The following KCNK2 variants were observed in gnomAD, a reference collection of about 807,000 sequenced individuals.
KCNK2 encodes potassium channel subfamily K member 2.
In KCNK2, 21 loss-of-function variants were observed where a neutral mutation model predicts 40.5. The ratio of observed to expected loss-of-function variants is 0.52; its 90% CI spans 0.37 to 0.75. The LOEUF (loss-of-function observed/expected upper bound fraction) is 0.75. Ranked by LOEUF, KCNK2 falls within the 30% of genes least tolerant of loss-of-function variation. The pLI is 0.00. For missense variants in KCNK2, 399 were observed against 531.6 expected (o/e 0.75, Z 2.45); for synonymous variants, 191 against 202.2 (o/e 0.94, Z 0.47).
chr1:215,063,319 C>T (rs1317201290), intron 1 of KCNK2, among the ~76,000 whole-genome samples: 2 of 152,132 alleles, frequency 1.3e-5, no homozygotes, highest in Non-Finnish European at 2.9e-5. Context: ...GTACTATTGT[C>T]AGAGCTGTAG....
chr1:215,155,282 T>C (rs955739868), intron 3 of KCNK2, among the ~76,000 whole-genome samples: 1 of 90,056 alleles, frequency 1.1e-5, no homozygotes, highest in African/African-American at 3.8e-5. Flanking sequence ...ATTGTTTTCA[T>C]TCATTAATTT....
intron 1 of KCNK2, among the ~76,000 whole-genome samples, chr1:215,008,938 G>T (rs1656281020): frequency 6.6e-6 from 1 of 151,934 alleles, no homozygotes; most frequent in Admixed American, 6.6e-5. Context: ...AAATCAATTT[G>T]ATTTGTCATT....
chr1:215,033,049 C>CT (rs754750243), intron 1 of KCNK2, among the ~76,000 whole-genome samples: 3 of 150,922 alleles, frequency 2.0e-5, no homozygotes, highest in Admixed American at 6.6e-5. Flanking sequence ...GTTTTTCAGT[C>CT]TTTTTTTTTC....
At chr1:215,184,457 A>G (rs1664346665) in intron 5 of KCNK2, among the ~76,000 whole-genome samples, 1 of 152,134 alleles carries the variant, frequency 6.6e-6, no homozygotes, top group Non-Finnish European at 1.5e-5. Flanking sequence ...ATGTGTTTGT[A>G]TTAGTCCATT....
At chr1:215,036,700 G>C (rs1444677271) in intron 1 of KCNK2, among the ~76,000 whole-genome samples, 1 of 151,700 alleles carries the variant, frequency 6.6e-6, no homozygotes, top group African/African-American at 2.4e-5. Flanking sequence ...TGCTGCTTAT[G>C]AACAATGTTT....
intron 3 of KCNK2, among the ~76,000 whole-genome samples, chr1:215,129,648 T>G (rs1489123064): frequency 6.6e-6 from 1 of 152,016 alleles, no homozygotes; most frequent in African/African-American, 2.4e-5. Flanking sequence ...TGGGACAGAT[T>G]TTGGCATGTT....
At chr1:215,166,950 A>G (rs1571687420) in intron 3 of KCNK2, among the ~76,000 whole-genome samples, 1 of 152,210 alleles carries the variant, frequency 6.6e-6, no homozygotes, top group Middle Eastern at 3.4e-3. Flanking sequence ...TTTTCATGGC[A>G]TAAGAACAGG....
chr1:215,193,897 CTG>C (rs1664763024), intron 5 of KCNK2, among the ~76,000 whole-genome samples: 1 of 152,160 alleles, frequency 6.6e-6, no homozygotes, highest in Non-Finnish European at 1.5e-5. Context: ...ATTTTCCACA[CTG>C]TGCTATTCCA....
At chr1:215,190,977 C>CTT (rs565356034) in intron 5 of KCNK2, among the ~76,000 whole-genome samples, 2 of 143,848 alleles carry the variant, frequency 1.4e-5, no homozygotes, top group African/African-American at 2.5e-5. Context: ...TTCTTTCTTT[C>CTT]TTTTTTTTTT....
chr1:215,234,997 C>T lies in KCNK2; in HGVS notation c.1133C>T (p.Thr378Ile), dbSNP rs1027250419. 9.9e-6 allele frequency: 16 copies of T among 1,614,086 alleles called. No individual in the cohort carries two copies. The highest frequency in any genetic ancestry group is 1.4e-5 in the Non-Finnish European group (16 of 1,180,012). Residue 378 changes from threonine (T) to isoleucine (I), a missense_variant, in exon 7 of 7, where the codon ACT (threonine) becomes ATT (isoleucine). Transcript: ENST00000444842. ...GCTGGAAACCACAATCAGGAGCTGA[C>T]TCCTTGTAGGAGGACCCTGTCAGTG... ...ELAGNHNQEL[T>I]PCRRTLSVNH...
intron 3 of KCNK2, among the ~76,000 whole-genome samples, chr1:215,143,377 G>A (rs1166790532): frequency 1.3e-5 from 2 of 151,964 alleles, no homozygotes; most frequent in Non-Finnish European, 2.9e-5. Flanking sequence ...TGTAGGCCTT[G>A]GTATCAGTGG....
chr1:215,056,052 T>A (rs535780657), intron 1 of KCNK2, among the ~76,000 whole-genome samples: 3 of 152,262 alleles, frequency 2.0e-5, no homozygotes, highest in Non-Finnish European at 4.4e-5. Context: ...ATGCCTGTAA[T>A]CCCAGCACTT....
intron 3 of KCNK2, among the ~76,000 whole-genome samples, chr1:215,149,296 C>T (rs572093720): frequency 6.6e-6 from 1 of 152,222 alleles, no homozygotes; most frequent in Admixed American, 6.5e-5. Flanking sequence ...AGCTCTGGCC[C>T]TGTGGTGACA....
At chr1:215,176,502 C>G (rs1663980918) in intron 5 of KCNK2, among the ~76,000 whole-genome samples, 1 of 152,102 alleles carries the variant, frequency 6.6e-6, no homozygotes, top group Non-Finnish European at 1.5e-5. Flanking sequence ...CCCTGCACCG[C>G]TGACAGACCC....
At chr1:215,027,631 T>A (rs1657043691) in intron 1 of KCNK2, among the ~76,000 whole-genome samples, 1 of 152,232 alleles carries the variant, frequency 6.6e-6, no homozygotes, top group African/African-American at 2.4e-5. Context: ...TTTGTTAATA[T>A]TCTATTTAAA....
intron 2 of KCNK2, among the ~76,000 whole-genome samples, chr1:215,110,580 G>T: frequency 6.6e-6 from 1 of 151,964 alleles, no homozygotes; most frequent in South Asian, 2.1e-4. Context: ...ATATGCCTGT[G>T]TTTATGACAG....
chr1:215,006,554 T>C (rs1230324518), intron 1 of KCNK2, among the ~76,000 whole-genome samples: 1 of 152,158 alleles, frequency 6.6e-6, no homozygotes, highest in Admixed American at 6.5e-5. Flanking sequence ...ATTATTTAGA[T>C]GTCTCTATGT....
chr1:215,025,028 G>A (rs1656955304), intron 1 of KCNK2, among the ~76,000 whole-genome samples: 1 of 140,558 alleles, frequency 7.1e-6, no homozygotes, highest in South Asian at 2.5e-4. Flanking sequence ...CTTATAATAT[G>A]TCTTGGACAT....
chr1:215,135,272 G>T lies in KCNK2; in HGVS notation c.475+10522G>T, dbSNP rs1163356717. Among the ~76,000 whole-genome samples the T allele has an allele frequency of 2.0e-5, 3 of 152,236 alleles. No individual in the cohort carries two copies. In the East Asian group the frequency reaches 5.8e-4, roughly 29 times the overall value. On this transcript the variant is annotated intron_variant, in intron 3 of 6. Coordinates refer to ENST00000444842, the MANE Select transcript of KCNK2 (RefSeq NM_001017425.3). Reference sequence around the variant, plus strand: ...CTTTGCCACTAGCTAGGCAAAGCTAGTGTGATTCTGGGCAAATCACAGTTC... The same window carrying T: ...CTTTGCCACTAGCTAGGCAAAGCTATTGTGATTCTGGGCAAATCACAGTTC...
Sources: gnomAD v4.1 joint callset for allele counts (sites outside exome capture counted in the v4.1 genomes callset) on GRCh38, gnomAD v4.1.1 for gene constraint, MANE v1.5 for transcripts, NCBI Gene and HGNC (gene_info 2026-07-23, HGNC 2026-07-21) for gene names.